ZBTB7C: variants seen among roughly 807,000 people sequenced by gnomAD.
ZBTB7C encodes the protein zinc finger and BTB domain containing 7C.
A neutral mutation model predicts 25.7 loss-of-function variants in ZBTB7C; 8 were observed. The observed-to-expected ratio is 0.31, with a 90% confidence interval of 0.18 to 0.56. The LOEUF (loss-of-function observed/expected upper bound fraction) is 0.56, where lower values mean the gene tolerates loss of function less well. Among genes scored for constraint, ZBTB7C ranks in the 20% least tolerant of loss-of-function variants. ZBTB7C has a pLI of 0.91. For missense variants in ZBTB7C, 824 were observed against 855.2 expected (o/e 0.96, Z 0.46); for synonymous variants, 394 against 369.0 (o/e 1.07, Z -0.78).
intron 1 of ZBTB7C, among the ~76,000 whole-genome samples, chr18:48,400,504 T>C (rs1399938225): frequency 6.6e-6 from 1 of 152,180 alleles, no homozygotes; most frequent in Non-Finnish European, 1.5e-5. Flanking sequence ...GCTGCTTCCC[T>C]AGTTTGCTTG....
intron 3 of ZBTB7C, among the ~76,000 whole-genome samples, chr18:48,101,806 G>A (rs1275210904): frequency 6.6e-6 from 1 of 152,136 alleles, no homozygotes; most frequent in African/African-American, 2.4e-5. Flanking sequence ...TCTAAATTCA[G>A]TGTGCCCTAC....
In ZBTB7C at chr18:48,077,062, C is replaced by CAAAAAA. The variant is rs10539603; in HGVS notation, c.-16-35945_-16-35940dup. 2.7e-3 allele frequency: 1,080 copies of CAAAAAA among 401,746 alleles called. 5 individuals carry two copies. The highest frequency in any genetic ancestry group is 0.023 in the African/African-American group (929 of 40,662). 24.9% of individuals were successfully genotyped at this position (401,746 alleles called of 1,614,324 possible). On this transcript the variant is annotated intron_variant, in intron 3 of 4. Coordinates refer to ENST00000590800, the MANE Select transcript of ZBTB7C (RefSeq NM_001318841.2). ...GAAATGCACAATATGTTGTTATATGCAAAAAAAAAAAAAAAAAGCATTTCC... is the reference window on the plus strand; with the variant it reads ...GAAATGCACAATATGTTGTTATATGCAAAAAAAAAAAAAAAAAAAAAAAGCATTTCC...
chr18:48,064,701 C>G (rs77939950), intron 3 of ZBTB7C, among the ~76,000 whole-genome samples: 12 of 152,240 alleles, frequency 7.9e-5, no homozygotes, highest in African/African-American at 2.9e-4. Context: ...CGTCTTCACA[C>G]CACTGCACTC....
At chr18:48,208,170 G>A (rs1216123419) in intron 2 of ZBTB7C, among the ~76,000 whole-genome samples, 1 of 152,152 alleles carries the variant, frequency 6.6e-6, no homozygotes, top group African/African-American at 2.4e-5. Flanking sequence ...TTGGGGAACA[G>A]AGCAGCTGTT....
chr18:48,202,384 G>A (rs1024695946), intron 2 of ZBTB7C, among the ~76,000 whole-genome samples: 1 of 151,818 alleles, frequency 6.6e-6, no homozygotes, highest in African/African-American at 2.4e-5. Context: ...AGGATTGAGG[G>A]AGGGAGGGAC....
chr18:48,068,607 G>C (rs1358547310), intron 3 of ZBTB7C, among the ~76,000 whole-genome samples: 2 of 152,156 alleles, frequency 1.3e-5, no homozygotes, highest in Admixed American at 6.5e-5. Context: ...ACTCCCCAGG[G>C]CCTCCCCATG....
At chr18:48,276,986 T>C (rs1228189420) in intron 2 of ZBTB7C, among the ~76,000 whole-genome samples, 2 of 151,582 alleles carry the variant, frequency 1.3e-5, no homozygotes, top group Non-Finnish European at 1.5e-5. Context: ...TTTTAATGAT[T>C]GCCATTCTAA....
At chr18:48,402,750 G>A (rs954017630) in intron 1 of ZBTB7C, among the ~76,000 whole-genome samples, 15 of 152,062 alleles carry the variant, frequency 9.9e-5, no homozygotes, top group African/African-American at 3.1e-4. Context: ...GTATATGTGC[G>A]CATGTTGCTG....
At chr18:48,132,907 G>T (rs78541452) in intron 3 of ZBTB7C, among the ~76,000 whole-genome samples, 7,223 of 152,270 alleles carry the variant, frequency 0.047, 189 homozygotes, top group Middle Eastern at 0.1. Flanking sequence ...TTTCCTGAAG[G>T]CCAAGTCCAG....
intron 2 of ZBTB7C, among the ~76,000 whole-genome samples, chr18:48,251,944 C>G (rs954231056): frequency 6.6e-6 from 1 of 152,202 alleles, no homozygotes; most frequent in Non-Finnish European, 1.5e-5. Flanking sequence ...AAACTCACTT[C>G]TTGTGTGTCC....
At chr18:48,056,841 A>G (rs1201185598) in intron 3 of ZBTB7C, among the ~76,000 whole-genome samples, 2 of 152,134 alleles carry the variant, frequency 1.3e-5, no homozygotes, top group South Asian at 2.1e-4. Flanking sequence ...GCTAAGATAG[A>G]AAACCCAGAA....
intron 1 of ZBTB7C, among the ~76,000 whole-genome samples, chr18:48,354,614 A>G (rs954155839): frequency 6.6e-6 from 1 of 152,130 alleles, no homozygotes; most frequent in Non-Finnish European, 1.5e-5. Flanking sequence ...TTCTCTATTC[A>G]TGTGGTTTTC....
intron 2 of ZBTB7C, among the ~76,000 whole-genome samples, chr18:48,206,339 A>G (rs532535317): frequency 6.6e-6 from 1 of 152,298 alleles, no homozygotes; most frequent in South Asian, 2.1e-4. Flanking sequence ...TCAGCTGGGA[A>G]AGAATGGTGC....
chr18:48,194,509 C>A (rs188437548), intron 2 of ZBTB7C, among the ~76,000 whole-genome samples: 1 of 152,234 alleles, frequency 6.6e-6, no homozygotes, highest in East Asian at 1.9e-4. Flanking sequence ...GGTGATCATG[C>A]CCAGTAAGCT....
chr18:48,049,413 G>A (rs566770555), intron 3 of ZBTB7C, among the ~76,000 whole-genome samples: 1 of 152,326 alleles, frequency 6.6e-6, no homozygotes, highest in East Asian at 1.9e-4. Flanking sequence ...CCCCCAGTGA[G>A]ATCACCTGCT....
intron 1 of ZBTB7C, among the ~76,000 whole-genome samples, chr18:48,403,041 G>A (rs1029902960): frequency 5.9e-5 from 9 of 152,200 alleles, no homozygotes; most frequent in African/African-American, 2.2e-4. Context: ...GCCCCAAAGA[G>A]AAACCCTCCC....
At chr18:48,257,099 A>C (rs2044042688) in intron 2 of ZBTB7C, among the ~76,000 whole-genome samples, 1 of 152,004 alleles carries the variant, frequency 6.6e-6, no homozygotes, top group South Asian at 2.1e-4. Flanking sequence ...CCCAACTATA[A>C]ACTGAAACCC....
chr18:48,249,113 G>C (rs1011987617), intron 2 of ZBTB7C, among the ~76,000 whole-genome samples: 1 of 152,184 alleles, frequency 6.6e-6, no homozygotes, highest in African/African-American at 2.4e-5. Flanking sequence ...AACAGTTTTT[G>C]CTAACTGCTA....
At chr18:48,229,991 G>C (rs1265805060) in intron 2 of ZBTB7C, among the ~76,000 whole-genome samples, 1 of 152,230 alleles carries the variant, frequency 6.6e-6, no homozygotes, top group Non-Finnish European at 1.5e-5. Context: ...CTCCTGCCCA[G>C]TGAGGCAAAC....
Sources: gnomAD v4.1 joint callset for allele counts (sites outside exome capture counted in the v4.1 genomes callset) on GRCh38, gnomAD v4.1.1 for gene constraint, MANE v1.5 for transcripts, NCBI Gene and HGNC (gene_info 2026-07-23, HGNC 2026-07-21) for gene names.